ADH7: variants seen among roughly 807,000 people sequenced by gnomAD.
ADH7 encodes the protein all-trans-retinol dehydrogenase [NAD(+)] ADH7.
Under a neutral mutation model 34.4 loss-of-function variants are expected in ADH7, and 41 were observed. That is an observed-to-expected ratio of 1.19 (90% CI 0.93 to 1.55). The LOEUF (loss-of-function observed/expected upper bound fraction) is 1.55, where lower values mean the gene tolerates loss of function less well. Ranked by LOEUF, ADH7 falls within the 40% of genes most tolerant of loss-of-function variation. The pLI, the probability that ADH7 is intolerant of heterozygous loss-of-function variation, is 0.00. For missense variants in ADH7, 540 were observed against 461.2 expected (o/e 1.17, Z -1.56); for synonymous variants, 180 against 160.9 (o/e 1.12, Z -0.90).
intron 5 of ADH7, among the ~76,000 whole-genome samples, chr4:99,422,351 C>A (rs925649980): frequency 7.9e-5 from 12 of 152,168 alleles, no homozygotes. Flanking sequence ...ATGTCCTTTG[C>A]AGGGACGTGG....
intron 2 of ADH7, 140 bp downstream of exon 2, chr4:99,429,392 T>C (rs558490776): frequency 2.0e-5 from 12 of 586,886 alleles, no homozygotes; most frequent in Admixed American, 1.5e-4. Flanking sequence ...TCCTTAACAA[T>C]ATATAAGAGC....
At chr4:99,430,357 G>A (rs544305174) in intron 1 of ADH7, 1 of 152,198 alleles carries the variant, frequency 6.6e-6, no homozygotes, top group Non-Finnish European at 1.5e-5. Flanking sequence ...TGTTCAACTG[G>A]TTTTGCTGTA....
intron 5 of ADH7, among the ~76,000 whole-genome samples, chr4:99,424,395 G>C (rs891984400): frequency 5.3e-5 from 8 of 152,174 alleles, no homozygotes; most frequent in African/African-American, 1.9e-4. Flanking sequence ...CTTGAAAGTA[G>C]TTTTTTCCAA....
rs754467193 is a variant in ADH7 at position 99,420,810 on chromosome 4, T to G, written c.565-17A>C. The G allele has an allele frequency of 6.2e-7, 1 of 1,612,522 alleles. No homozygotes were observed. Among genetic ancestry groups the G allele is most frequent in the Non-Finnish European group, 8.5e-7 (1 of 1,179,024 alleles). On this transcript the variant is annotated splice_polypyrimidine_tract_variant and intron_variant, in intron 5 of 8. Transcript: ENST00000437033. The stretch of plus-strand genomic sequence containing the variant: ...AGGTTTGACCTGTGGAGAGGAATGT[T>G]CTTGAACATGTTAGGTGTTAGGGTC...
At chr4:99,431,848 A>C (rs1389182840) in intron 1 of ADH7, among the ~76,000 whole-genome samples, 3 of 152,230 alleles carry the variant, frequency 2.0e-5, no homozygotes, top group Non-Finnish European at 4.4e-5. Flanking sequence ...CGAAAAGGGA[A>C]TACTTATGCA....
intron 6 of ADH7, among the ~76,000 whole-genome samples, chr4:99,419,683 G>T (rs368303767): frequency 7.2e-5 from 11 of 152,176 alleles, no homozygotes; most frequent in African/African-American, 2.6e-4. Context: ...CCTTCATCAA[G>T]TAGCAACTGG....
At chr4:99,421,139 G>GA (rs1217477610) in intron 5 of ADH7, among the ~76,000 whole-genome samples, 2 of 152,052 alleles carry the variant, frequency 1.3e-5, no homozygotes, top group East Asian at 3.9e-4. Flanking sequence ...CACAGAATTA[G>GA]AAAAAAACTA....
In ADH7 at chr4:99,419,032, C is replaced by T. The variant is rs1721586005; in HGVS notation, c.915G>A (p.Pro305=). 3.1e-6 allele frequency: 5 copies of T among 1,613,820 alleles called. No homozygotes were observed. Among genetic ancestry groups the T allele is most frequent in the East Asian group, 4.5e-5 (2 of 44,858 alleles). ...PPSAKMLTYD[P]MLLFTGRTWK... ...ATGTGCGTCCAGTGAAGAGCAACAT[C>T]GGGTCATAGGTGAGCATCTTGGCTG... Residue 305 remains proline (P), a synonymous_variant, in exon 7 of 9, where the codon CCG becomes CCA. Coordinates refer to ENST00000437033, the MANE Select transcript of ADH7 (RefSeq NM_000673.7).
rs746177644 is a variant in ADH7 at position 99,420,804 on chromosome 4, G to T, written c.565-11C>A. The T allele has an allele frequency of 6.2e-7, 1 of 1,613,100 alleles. No homozygotes were observed. The highest frequency in any genetic ancestry group is 1.7e-5 in the Admixed American group (1 of 59,864). ...GGAACCAGGTTTGACCTGTGGAGAG[G>T]AATGTTCTTGAACATGTTAGGTGTT... On this transcript the variant is annotated splice_polypyrimidine_tract_variant and intron_variant, in intron 5 of 8. Transcript: ENST00000437033.
At position 99,427,965 on chromosome 4, in the gene ADH7, A is replaced by G. The variant is rs1276300288; in HGVS notation, c.372T>C (p.Ala124=). ...TGCATGTAAATCTGGTGGTGCCATC[A>G]GCCAGTACTCCACGACCAGTAATAC... The part of the protein sequence containing the change: ...RSDITGRGVL[A]DGTTRFTCKG... Residue 124 remains alanine (A), a synonymous_variant, in exon 5 of 9, where the codon GCT becomes GCC. Transcript: ENST00000437033. 2 of 1,614,040 alleles carry G rather than the reference A, an allele frequency of 1.2e-6. No homozygotes were observed.
At chr4:99,414,385 T>A (rs749440037) in intron 8 of ADH7, among the ~76,000 whole-genome samples, 1 of 152,162 alleles carries the variant, frequency 6.6e-6, no homozygotes, top group Non-Finnish European at 1.5e-5. Context: ...GAAATCCACG[T>A]CCTTGGCACA....
At chr4:99,416,810 T>A (rs747190691) in intron 7 of ADH7, among the ~76,000 whole-genome samples, 4 of 152,084 alleles carry the variant, frequency 2.6e-5, no homozygotes, top group Non-Finnish European at 5.9e-5. Flanking sequence ...ATCTCACAGG[T>A]ACCTGCACAA....
At chr4:99,432,813 A>G (rs1399259214) in intron 1 of ADH7, 2 of 152,132 alleles carry the variant, frequency 1.3e-5, no homozygotes, top group Admixed American at 1.3e-4. Flanking sequence ...AATGAGATAC[A>G]ATTCTGTGCC....
chr4:99,415,740 T>C lies in ADH7; in HGVS notation c.962-124A>G, dbSNP rs185426351. ...CCCTGTGTTAGATCATTCCCAGCAG[T>C]GTACAAATAAGCTGTATTTGTCCCA... On this transcript the variant is annotated intron_variant, in intron 7 of 8. Transcript: ENST00000437033. 1,706 of 1,019,836 alleles carry C rather than the reference T, an allele frequency of 1.7e-3. 25 individuals are homozygous for C. In the African/African-American group the frequency reaches 0.023, roughly 14 times the overall value. The allele number at this position is 1,019,836 out of a possible 1,614,324, so 63.2% of individuals were successfully genotyped here. A position where few individuals can be genotyped will look rare whatever the true frequency, so the allele number is the denominator to read the frequency against.
intron 1 of ADH7, chr4:99,430,235 A>T (rs1205457288): frequency 1.3e-5 from 2 of 152,250 alleles, no homozygotes; most frequent in African/African-American, 2.4e-5. Context: ...TCTGCATCCC[A>T]TTTGCACCTA....
At chr4:99,419,367 C>T (rs1304336658) in intron 6 of ADH7, among the ~76,000 whole-genome samples, 1 of 152,082 alleles carries the variant, frequency 6.6e-6, no homozygotes, top group Non-Finnish European at 1.5e-5. Context: ...GTACCATGCA[C>T]TAAAATACAA....
rs778736456 is a variant in ADH7 at position 99,428,598 on chromosome 4, G to T, written c.153C>A (p.Asp51Glu). 1 of 1,613,766 alleles carries T rather than the reference G, an allele frequency of 6.2e-7. No individual in the cohort carries two copies. Among genetic ancestry groups the T allele is most frequent in the South Asian group, 1.1e-5 (1 of 91,036 alleles). The change falls in exon 3 of 9, where the codon GAC (aspartate) becomes GAA (glutamate). Residue 51 changes from aspartate (D) to glutamate (E), a missense_variant. Physicochemically the swap from Asp to Glu is conservative, Grantham distance 45. Transcript: ENST00000437033. ...ILATGICRTD[D>E]HVIKGTMVSK... ...ACACCATTGTTCCTTTTATCACATG[G>T]TCATCTGTGCGACAGATTCCTGTGG...
At chr4:99,434,892 T>C in intron 1 of ADH7, 1 of 722,822 alleles carries the variant, frequency 1.4e-6, no homozygotes. Flanking sequence ...TGAAGTGTCC[T>C]TGTGGAAACA....
chr4:99,414,075 GA>G (rs1394280934), intron 8 of ADH7, among the ~76,000 whole-genome samples: 1 of 152,132 alleles, frequency 6.6e-6, no homozygotes, highest in Non-Finnish European at 1.5e-5. Context: ...GGTGATATTT[GA>G]AGCAAAATTC....
Sources: gnomAD v4.1 joint callset for allele counts (sites outside exome capture counted in the v4.1 genomes callset) on GRCh38, gnomAD v4.1.1 for gene constraint, MANE v1.5 for transcripts, NCBI Gene and HGNC (gene_info 2026-07-23, HGNC 2026-07-21) for gene names.